SYN3: variants seen among roughly 807,000 people sequenced by gnomAD.
The protein encoded by SYN3 is synapsin-3.
A neutral mutation model predicts 65.8 loss-of-function variants in SYN3; 35 were observed. The ratio of observed to expected loss-of-function variants is 0.53; its 90% CI spans 0.41 to 0.70. SYN3 has a LOEUF of 0.70. Among genes scored for constraint, SYN3 ranks in the 30% least tolerant of loss-of-function variants. The pLI is 0.00. For missense variants in SYN3, 680 were observed against 749.0 expected (o/e 0.91, Z 1.08); for synonymous variants, 270 against 292.9 (o/e 0.92, Z 0.80).
intron 6 of SYN3, among the ~76,000 whole-genome samples, chr22:32,714,235 T>C (rs182115074): frequency 1.3e-5 from 2 of 152,310 alleles, no homozygotes; most frequent in Admixed American, 1.3e-4. Flanking sequence ...GGAAAGGGCA[T>C]TGTACAGGAG....
At chr22:32,923,151 A>G (rs957866867) in intron 4 of SYN3, among the ~76,000 whole-genome samples, 3 of 152,112 alleles carry the variant, frequency 2.0e-5, no homozygotes, top group African/African-American at 4.8e-5. Flanking sequence ...TTCCCAGTCT[A>G]TGGCTGGAGT....
At chr22:33,051,962 C>A (rs368260152) in intron 1 of SYN3, among the ~76,000 whole-genome samples, 1 of 152,160 alleles carries the variant, frequency 6.6e-6, no homozygotes, top group African/African-American at 2.4e-5. Context: ...CAAGAACACG[C>A]TTCCTTGTAG....
chr22:32,607,819 G>A (rs140853877), intron 6 of SYN3, among the ~76,000 whole-genome samples: 67 of 152,314 alleles, frequency 4.4e-4, no homozygotes, highest in African/African-American at 1.6e-3. Flanking sequence ...AGTCTCCCAT[G>A]AGGATCCTCC....
intron 2 of SYN3, among the ~76,000 whole-genome samples, chr22:32,990,106 C>A (rs923575615): frequency 1.3e-5 from 2 of 152,148 alleles, no homozygotes; most frequent in African/African-American, 4.8e-5. Context: ...AACATCTGAT[C>A]ATCCCAGAAA....
chr22:32,978,318 G>A (rs908409682), intron 3 of SYN3, among the ~76,000 whole-genome samples: 1 of 152,090 alleles, frequency 6.6e-6, no homozygotes, highest in African/African-American at 2.4e-5. Flanking sequence ...AGGGAGAGGG[G>A]CACATCCGGG....
intron 7 of SYN3, among the ~76,000 whole-genome samples, chr22:32,555,236 A>G (rs373848324): frequency 1.9e-3 from 288 of 152,330 alleles, no homozygotes; most frequent in African/African-American, 6.8e-3. Flanking sequence ...GGGTCTTAAC[A>G]TCCTCTTACG....
chr22:32,684,025 A>G (rs2147124197), intron 6 of SYN3, among the ~76,000 whole-genome samples: 1 of 152,312 alleles, frequency 6.6e-6, no homozygotes, highest in East Asian at 1.9e-4. Context: ...CATTCCTAAA[A>G]GGAACAATTC....
At position 32,864,925 on chromosome 22, in the gene SYN3, T is replaced by G. The variant is rs1018171577; in HGVS notation, c.701A>C (p.His234Pro). 14 of 1,613,922 alleles carry G rather than the reference T, an allele frequency of 8.7e-6. No homozygotes were observed. Among genetic ancestry groups the G allele is most frequent in the Non-Finnish European group, 1.2e-5 (14 of 1,179,916 alleles). The change falls in exon 6 of 14, where the codon CAT (histidine) becomes CCT (proline). Residue 234 changes from histidine (H) to proline (P), a missense_variant. Physicochemically the swap from His to Pro is moderately conservative, Grantham distance 77 (BLOSUM62 -2). Coordinates refer to ENST00000358763, the MANE Select transcript of SYN3 (RefSeq NM_003490.4). Reference protein sequence around the residue: ...PLVEQTFFPNHKPMVTAPHFP... With the variant: ...PLVEQTFFPNPKPMVTAPHFP... Reference sequence around the variant, plus strand: ...AAAAAGGGCACTCACCATTGGCTTATGGTTGGGGAAAAATGTTTGCTCCAC... The same window carrying G: ...AAAAAGGGCACTCACCATTGGCTTAGGGTTGGGGAAAAATGTTTGCTCCAC...
intron 6 of SYN3, among the ~76,000 whole-genome samples, chr22:32,851,996 G>A (rs187222351): frequency 2.0e-4 from 31 of 152,214 alleles, no homozygotes; most frequent in Admixed American, 3.9e-4. Flanking sequence ...TATGAACTGG[G>A]GATACAAAGA....
intron 6 of SYN3, among the ~76,000 whole-genome samples, chr22:32,694,457 T>G (rs1479636917): frequency 6.6e-6 from 1 of 152,234 alleles, no homozygotes; most frequent in Non-Finnish European, 1.5e-5. Context: ...GCTTTTCTAT[T>G]CCTAAATTGA....
chr22:32,681,974 C>G (rs930840248), intron 6 of SYN3, among the ~76,000 whole-genome samples: 1 of 82,978 alleles, frequency 1.2e-5, no homozygotes, highest in Non-Finnish European at 3.4e-5. Context: ...ATGTTTGAGC[C>G]GAGACTTAGC....
At chr22:32,689,407 C>T (rs1013061334) in intron 6 of SYN3, among the ~76,000 whole-genome samples, 10 of 152,288 alleles carry the variant, frequency 6.6e-5, no homozygotes, top group Non-Finnish European at 1.3e-4. Flanking sequence ...TCCCGTGTCA[C>T]GGGGTACCAT....
intron 1 of SYN3, among the ~76,000 whole-genome samples, chr22:33,022,741 G>A (rs1244908874): frequency 2.0e-5 from 3 of 152,110 alleles, no homozygotes; most frequent in Admixed American, 6.6e-5. Flanking sequence ...GAGAGGAGAC[G>A]AGATTCTTCC....
intron 1 of SYN3, among the ~76,000 whole-genome samples, chr22:33,011,071 T>G (rs1053756841): frequency 2.0e-5 from 3 of 152,226 alleles, no homozygotes; most frequent in African/African-American, 7.2e-5. Context: ...TGCCTTTTAC[T>G]AATTTCCCTT....
intron 4 of SYN3, among the ~76,000 whole-genome samples, chr22:32,884,913 C>A (rs760834757): frequency 1.5e-4 from 23 of 152,130 alleles, no homozygotes; most frequent in Non-Finnish European, 2.9e-4. Flanking sequence ...CATATCAGTA[C>A]AAATGGAGAT....
intron 6 of SYN3, among the ~76,000 whole-genome samples, chr22:32,763,948 T>C (rs890006142): frequency 1.4e-5 from 2 of 147,378 alleles, no homozygotes; most frequent in Non-Finnish European, 3.0e-5. Flanking sequence ...CCCCCCCTTT[T>C]TTTTTTTGAG....
chr22:32,746,642 C>T (rs940034968), intron 6 of SYN3, among the ~76,000 whole-genome samples: 2 of 152,156 alleles, frequency 1.3e-5, no homozygotes, highest in Admixed American at 1.3e-4. Context: ...ACAGTGTCTT[C>T]CTCTGGGCCC....
chr22:32,702,535 A>G (rs897853054), intron 6 of SYN3, among the ~76,000 whole-genome samples: 1 of 152,214 alleles, frequency 6.6e-6, no homozygotes, highest in Non-Finnish European at 1.5e-5. Flanking sequence ...TGTCTGCACT[A>G]TTTATCAGTG....
chr22:32,572,436 T>TCCC (rs2058785454), intron 7 of SYN3, among the ~76,000 whole-genome samples: 1 of 8,350 alleles, frequency 1.2e-4, no homozygotes, highest in East Asian at 7.0e-3. Context: ...CCTTCCTTCC[T>TCCC]TCCCTCCTTC....
Sources: gnomAD v4.1 joint callset for allele counts (sites outside exome capture counted in the v4.1 genomes callset) on GRCh38, gnomAD v4.1.1 for gene constraint, MANE v1.5 for transcripts, NCBI Gene and HGNC (gene_info 2026-07-23, HGNC 2026-07-21) for gene names.